Variants in STAU1 observed in about 807,000 individuals in gnomAD.
The protein encoded by STAU1 is double-stranded RNA-binding protein Staufen homolog 1.
Under a neutral mutation model 62.9 loss-of-function variants are expected in STAU1, and 13 were observed. The ratio of observed to expected loss-of-function variants is 0.21; its 90% CI spans 0.13 to 0.33. STAU1 has a LOEUF of 0.33. Ranked by LOEUF, STAU1 falls within the 10% of genes least tolerant of loss-of-function variation. STAU1 has a pLI of 1.00. For synonymous variants in STAU1, 269 were observed against 265.1 expected, an observed-to-expected ratio of 1.01 and a Z score of -0.14; for missense variants, 571 against 712.1, an observed-to-expected ratio of 0.80 and a Z score of 2.25.
chr20:49,172,830 G>A (rs758762376), intron 2 of STAU1, among the ~76,000 whole-genome samples: 1 of 151,700 alleles, frequency 6.6e-6, no homozygotes, highest in Non-Finnish European at 1.5e-5. Flanking sequence ...AGCCTCACTT[G>A]TAGCAATCAC....
intron 6 of STAU1, among the ~76,000 whole-genome samples, chr20:49,131,831 A>G (rs1417801288): frequency 7.5e-6 from 1 of 133,752 alleles, no homozygotes; most frequent in Non-Finnish European, 1.6e-5. Context: ...CAACAGAGTT[A>G]GGCTCCGTCA....
At chr20:49,133,025 A>C (rs1296387228) in intron 6 of STAU1, among the ~76,000 whole-genome samples, 1 of 152,190 alleles carries the variant, frequency 6.6e-6, no homozygotes. Flanking sequence ...CTGATATTTG[A>C]GTTAATGAAT....
chr20:49,156,900 C>G (rs892971937), intron 3 of STAU1, among the ~76,000 whole-genome samples: 4 of 148,242 alleles, frequency 2.7e-5, no homozygotes, highest in Non-Finnish European at 5.9e-5. Context: ...TTTTAAGAGA[C>G]ACAGTCTCAC....
At chr20:49,141,306 G>A (rs2093002393) in intron 5 of STAU1, among the ~76,000 whole-genome samples, 1 of 152,088 alleles carries the variant, frequency 6.6e-6, no homozygotes, top group African/African-American at 2.4e-5. Flanking sequence ...GAAAAACAAT[G>A]AGCCACGCAT....
intron 3 of STAU1, among the ~76,000 whole-genome samples, chr20:49,156,554 G>T (rs1292189826): frequency 6.6e-6 from 1 of 152,172 alleles, no homozygotes; most frequent in Non-Finnish European, 1.5e-5. Flanking sequence ...CTGACTATGG[G>T]CTTAGGAAAT....
In STAU1 at chr20:49,135,937, A is replaced by C. The variant is rs955265849; in HGVS notation, c.511-6T>G. On this transcript the variant is annotated splice_polypyrimidine_tract_variant and splice_region_variant and intron_variant, in intron 5 of 13. Coordinates refer to ENST00000371856, the MANE Select transcript of STAU1 (RefSeq NM_017453.4). ...TCGGATTCTCTTCCATTCACCTGTA[A>C]GAATAATTGTTTAGTAGTTAGCTCT... The C allele has an allele frequency of 1.1e-5, 17 of 1,608,318 alleles. No homozygotes were observed. The highest frequency in any genetic ancestry group is 1.4e-5 in the Non-Finnish European group (17 of 1,176,030).
the STAU1 span, among the ~76,000 whole-genome samples, chr20:49,201,044 C>CAAAAAAAAAAAAAAAAA: frequency 6.0e-4 from 19 of 31,508 alleles, no homozygotes; most frequent in Non-Finnish European, 1.0e-3. Flanking sequence ...GACCCACTCT[C>CAAAAAAAAAAAAAAAAA]AAAAAAAAAA....
At chr20:49,118,190 C>T in intron 10 of STAU1, 94 bp from the exon 11 acceptor site, 3 of 1,414,000 alleles carry the variant, frequency 2.1e-6, no homozygotes, top group Non-Finnish European at 3.0e-6. Context: ...CTCCCCTTGG[C>T]ACGCATGGCA....
the STAU1 span, among the ~76,000 whole-genome samples, chr20:49,203,928 G>A: frequency 1.3e-5 from 2 of 152,198 alleles, no homozygotes; most frequent in African/African-American, 4.8e-5. Context: ...CTTGTGATCC[G>A]CCGCCTTGGC....
upstream of STAU1, among the ~76,000 whole-genome samples, chr20:49,190,580 G>C (rs2093829959): frequency 6.6e-6 from 1 of 152,088 alleles, no homozygotes; most frequent in Non-Finnish European, 1.5e-5. Context: ...CAAAGTACTG[G>C]GGGGATTATT....
At chr20:49,180,306 C>T (rs992598208) in intron 1 of STAU1, among the ~76,000 whole-genome samples, 4 of 144,392 alleles carry the variant, frequency 2.8e-5, no homozygotes, top group African/African-American at 1.0e-4. Flanking sequence ...TAGCAACAAC[C>T]TGGACTACAG....
rs561470304 is a variant in STAU1, at chr20:49,149,403, T to C, written c.510+2179A>G. On this transcript the variant is annotated intron_variant, in intron 5 of 13. Coordinates refer to ENST00000371856, the MANE Select transcript of STAU1 (RefSeq NM_017453.4). ...ATTCCTGGGTCTCACCCTACACCTA[T>C]TGCATTAGAATCCCGGGGTTGGGCC... is the stretch of plus-strand genomic sequence containing the variant. 1.1e-4 allele frequency among the ~76,000 whole-genome samples: 17 copies of C among 152,220 alleles called. No individual in the cohort carries two copies. In the East Asian group the frequency reaches 2.7e-3, roughly 24 times the overall value.
intron 3 of STAU1, among the ~76,000 whole-genome samples, chr20:49,162,870 T>C (rs571579463): frequency 2.0e-4 from 31 of 151,842 alleles, no homozygotes; most frequent in African/African-American, 7.2e-4. Context: ...ATGAAAAGAC[T>C]TTGTTATAAG....
At chr20:49,195,078 A>G in the STAU1 span, among the ~76,000 whole-genome samples, 1 of 152,248 alleles carries the variant, frequency 6.6e-6, no homozygotes, top group Non-Finnish European at 1.5e-5. Flanking sequence ...GAAAAGATCA[A>G]TTCATTGACT....
At chr20:49,146,903 GC>G (rs547888966) in intron 5 of STAU1, among the ~76,000 whole-genome samples, 215 of 151,840 alleles carry the variant, frequency 1.4e-3, no homozygotes, top group African/African-American at 5.0e-3. Flanking sequence ...ATTTAAGCTA[GC>G]CCCCGTTTTT....
chr20:49,177,461 G>A (rs576395107), intron 1 of STAU1, among the ~76,000 whole-genome samples: 1 of 151,402 alleles, frequency 6.6e-6, no homozygotes, highest in Admixed American at 6.6e-5. Flanking sequence ...GGCAGATCCC[G>A]AAGTCAGGAG....
chr20:49,162,331 AAG>A (rs1472293922), intron 3 of STAU1, among the ~76,000 whole-genome samples: 2 of 152,218 alleles, frequency 1.3e-5, no homozygotes, highest in Admixed American at 6.5e-5. Context: ...TTTTCCTTTT[AAG>A]AGAGTCTCAC....
chr20:49,167,024 G>C (rs1011654637), intron 2 of STAU1, among the ~76,000 whole-genome samples: 3 of 152,164 alleles, frequency 2.0e-5, no homozygotes, highest in African/African-American at 7.2e-5. Flanking sequence ...ATGGATTTTA[G>C]ACTGGCAATT....
intron 6 of STAU1, among the ~76,000 whole-genome samples, 182 bp downstream of exon 6, chr20:49,135,651 G>C (rs1194928205): frequency 6.6e-6 from 1 of 152,092 alleles, no homozygotes; most frequent in African/African-American, 2.4e-5. Flanking sequence ...ATGCCCCTTA[G>C]TTACGGACTC....
Sources: gnomAD v4.1 joint callset for allele counts (sites outside exome capture counted in the v4.1 genomes callset) on GRCh38, gnomAD v4.1.1 for gene constraint, MANE v1.5 for transcripts, NCBI Gene and HGNC (gene_info 2026-07-23, HGNC 2026-07-21) for gene names.